LINGO2: variants seen among roughly 807,000 people sequenced by gnomAD.
LINGO2 encodes the protein leucine rich repeat and Ig domain containing 2, also known as leucine-rich repeat and immunoglobulin-like domain-containing nogo receptor-interacting protein 2.
LINGO2 carries 14 observed loss-of-function variants against 30.6 expected under a neutral mutation model. The ratio of observed to expected loss-of-function variants is 0.46; its 90% CI spans 0.30 to 0.72. LINGO2 has a LOEUF of 0.72. Among genes scored for constraint, LINGO2 ranks in the 30% least tolerant of loss-of-function variants. The probability of loss-of-function intolerance (pLI) is 0.07; values close to 1 mark genes in which losing one functional copy is unlikely to be tolerated. For missense variants in LINGO2, 729 were observed against 751.7 expected, an observed-to-expected ratio of 0.97 and a Z score of 0.35; for synonymous variants, 317 against 288.5, an observed-to-expected ratio of 1.10 and a Z score of -1.00.
intron 2 of LINGO2, among the ~76,000 whole-genome samples, chr9:28,376,856 A>T (rs1821151247): frequency 6.6e-6 from 1 of 152,100 alleles, no homozygotes; most frequent in Non-Finnish European, 1.5e-5. Flanking sequence ...ATATCTTTCT[A>T]CCTATCAAAA....
intron 1 of LINGO2, among the ~76,000 whole-genome samples, chr9:28,504,824 C>G (rs937094394): frequency 6.6e-6 from 1 of 151,716 alleles, no homozygotes; most frequent in Admixed American, 6.6e-5. Flanking sequence ...GCAGAATATG[C>G]TTTTTGGTAA....
intron 5 of LINGO2, 117 bp from the exon 7 acceptor site, chr9:27,950,823 C>T (rs1431090110): frequency 4.1e-6 from 2 of 486,880 alleles, no homozygotes; most frequent in East Asian, 6.7e-5. Context: ...TGGAATCAAT[C>T]AGATTTGGGC....
chr9:28,488,392 T>C (rs996743783), intron 1 of LINGO2, among the ~76,000 whole-genome samples: 1 of 152,134 alleles, frequency 6.6e-6, no homozygotes, highest in Non-Finnish European at 1.5e-5. Context: ...TTAAATTAAA[T>C]ATTATTATAA....
chr9:28,401,614 A>T (rs10812806), intron 2 of LINGO2, among the ~76,000 whole-genome samples: 46,375 of 151,966 alleles, frequency 0.31, 7,958 homozygotes, highest in Non-Finnish European at 0.37. Context: ...ATGTGTCTTT[A>T]TAGTAGAATA....
the LINGO2 span, among the ~76,000 whole-genome samples, chr9:28,971,518 C>G: frequency 6.6e-6 from 1 of 152,182 alleles, no homozygotes; most frequent in Admixed American, 6.5e-5. Context: ...TCTCTGTGGG[C>G]CTATTGTGGT....
the LINGO2 span, among the ~76,000 whole-genome samples, chr9:28,910,613 T>A: frequency 1.3e-5 from 2 of 152,054 alleles, no homozygotes; most frequent in Non-Finnish European, 2.9e-5. Flanking sequence ...TGAAAGTGTG[T>A]AGCACCTTCC....
the LINGO2 span, among the ~76,000 whole-genome samples, chr9:28,953,842 T>C: frequency 6.6e-6 from 1 of 152,158 alleles, no homozygotes; most frequent in African/African-American, 2.4e-5. Context: ...ACTTTTCATA[T>C]TATTATATTA....
At chr9:28,502,923 C>T (rs969323753) in intron 1 of LINGO2, among the ~76,000 whole-genome samples, 2 of 151,986 alleles carry the variant, frequency 1.3e-5, no homozygotes, top group African/African-American at 4.8e-5. Flanking sequence ...GCAAAGCCTC[C>T]TTAATAGTTC....
Position 27,977,418 on chromosome 9 carries a change from G to C in LINGO2, c.-35-26712C>G, listed in dbSNP as rs529693259. 1.6e-4 allele frequency among the ~76,000 whole-genome samples: 25 copies of C among 151,756 alleles called. No homozygotes were observed. The South Asian group carries it at 4.8e-3, about 29-fold the overall frequency. On this transcript the variant is annotated intron_variant, in intron 5 of 5. Coordinates refer to ENST00000379992, the Ensembl canonical transcript of LINGO2. ...AAGAGTGTGTGTCGGGGGCGGGTTG[G>C]GGGGAGCAGTCTTACCCTTATTGCC...
chr9:28,922,943 G>C, the LINGO2 span, among the ~76,000 whole-genome samples: 1 of 152,250 alleles, frequency 6.6e-6, no homozygotes, highest in Non-Finnish European at 1.5e-5. Context: ...CTTTATAAAA[G>C]GGAGGTGGAA....
the LINGO2 span, among the ~76,000 whole-genome samples, chr9:28,797,355 T>TAGAGAGAGAGAGAG: frequency 6.1e-3 from 362 of 59,180 alleles, 2 homozygotes; most frequent in East Asian, 0.01. Flanking sequence ...TATATATATA[T>TAGAGAGAGAGAGAG]ATATAGAGAG....
At chr9:27,948,543 G>A (rs1487819358) in exon 6 of LINGO2, 1 of 279,958 alleles carries the variant, frequency 3.6e-6, no homozygotes, top group Non-Finnish European at 6.6e-6. Flanking sequence ...TTTTGCAGTG[G>A]TAGAAAATGC....
the LINGO2 span, among the ~76,000 whole-genome samples, chr9:28,869,474 G>T: frequency 6.6e-6 from 1 of 151,992 alleles, no homozygotes; most frequent in East Asian, 1.9e-4. Context: ...GGCTATTCCA[G>T]ATAAAGAAAA....
At chr9:29,147,699 A>T in the LINGO2 span, among the ~76,000 whole-genome samples, 1 of 152,082 alleles carries the variant, frequency 6.6e-6, no homozygotes, top group Admixed American at 6.5e-5. Flanking sequence ...TGATATTTAG[A>T]ATATTAAAAT....
chr9:29,125,796 G>A, the LINGO2 span, among the ~76,000 whole-genome samples: 2 of 152,098 alleles, frequency 1.3e-5, no homozygotes, highest in Admixed American at 1.3e-4. Flanking sequence ...ACATGCTCAT[G>A]AACATATGGT....
chr9:28,117,292 G>A (rs1826940835), intron 4 of LINGO2, among the ~76,000 whole-genome samples: 1 of 149,446 alleles, frequency 6.7e-6, no homozygotes, highest in Admixed American at 6.7e-5. Flanking sequence ...CTGCGTGCTG[G>A]GAGAACCACT....
intron 4 of LINGO2, among the ~76,000 whole-genome samples, chr9:28,156,844 G>A (rs971522581): frequency 1.3e-5 from 2 of 152,232 alleles, no homozygotes; most frequent in African/African-American, 4.8e-5. Flanking sequence ...GCTCTGAAAT[G>A]ATCTCCTTTG....
the LINGO2 span, among the ~76,000 whole-genome samples, chr9:28,811,689 T>A: frequency 9.9e-5 from 15 of 152,282 alleles, 1 homozygote; most frequent in African/African-American, 3.6e-4. Context: ...TTTGTTATCA[T>A]TCTAAATTTA....
In LINGO2 at chr9:28,521,926, T is replaced by C. The variant is rs143758720; in HGVS notation, c.-364-45901A>G. On this transcript the variant is annotated intron_variant, in intron 1 of 5. Coordinates refer to ENST00000379992, the Ensembl canonical transcript of LINGO2. ...ACAAGCCAAGGAAAGCCAAGGATTG[T>C]CAATAGCCACCACAAGCTAGAAGAA... Among the ~76,000 whole-genome samples the C allele has an allele frequency of 1.6e-4, 24 of 152,284 alleles. No individual in the cohort carries two copies. In the East Asian group the frequency reaches 4.3e-3, roughly 27 times the overall value.
Sources: allele counts gnomAD v4.1 joint callset (sites outside exome capture counted in the v4.1 genomes callset), GRCh38; gene constraint gnomAD v4.1.1; transcripts MANE v1.5; gene names NCBI Gene and HGNC (gene_info 2026-07-23, HGNC 2026-07-21).